The following MVB12B variants were observed in gnomAD, a reference collection of about 807,000 sequenced individuals.
MVB12B encodes multivesicular body subunit 12B, also known as ESCRT-I complex subunit MVB12B.
A neutral mutation model predicts 41.6 loss-of-function variants in MVB12B; 16 were observed. The observed-to-expected ratio is 0.38, with a 90% CI of 0.26 to 0.58. MVB12B has a LOEUF of 0.58. Among genes scored for constraint, MVB12B ranks in the 20% least tolerant of loss-of-function variants. The probability of loss-of-function intolerance (pLI) is 0.62; values close to 1 mark genes in which losing one functional copy is unlikely to be tolerated. For synonymous variants in MVB12B, 133 were observed against 139.7 expected (o/e 0.95, Z 0.34); for missense variants, 274 against 380.2 (o/e 0.72, Z 2.32).
intron 7 of MVB12B, among the ~76,000 whole-genome samples, chr9:126,442,356 G>C (rs1272353272): frequency 1.3e-5 from 2 of 152,142 alleles, no homozygotes; most frequent in East Asian, 3.8e-4. Context: ...ATGTACTCAT[G>C]GTGGGGTGGA....
intron 8 of MVB12B, among the ~76,000 whole-genome samples, 163 bp downstream of exon 8, chr9:126,481,587 C>T (rs757468881): frequency 6.6e-6 from 1 of 152,202 alleles, no homozygotes; most frequent in Non-Finnish European, 1.5e-5. Flanking sequence ...GGAAGCTGAA[C>T]CCTGCAACCC....
At chr9:126,470,027 C>T (rs1307436495) in intron 7 of MVB12B, among the ~76,000 whole-genome samples, 1 of 152,186 alleles carries the variant, frequency 6.6e-6, no homozygotes, top group Non-Finnish European at 1.5e-5. Flanking sequence ...ACATAAGGCC[C>T]TAGGTACAAA....
At chr9:126,439,196 A>G (rs1832570982) in intron 7 of MVB12B, among the ~76,000 whole-genome samples, 1 of 152,102 alleles carries the variant, frequency 6.6e-6, no homozygotes. Flanking sequence ...CTCTGGAGAA[A>G]CAAAGACAAG....
intron 7 of MVB12B, among the ~76,000 whole-genome samples, chr9:126,439,317 G>C (rs1253483850): frequency 4.6e-5 from 7 of 152,054 alleles, no homozygotes; most frequent in Non-Finnish European, 7.4e-5. Flanking sequence ...GCTGGGGGTG[G>C]GGGCGCTGGG....
intron 7 of MVB12B, among the ~76,000 whole-genome samples, chr9:126,455,006 C>T (rs1318432888): frequency 2.0e-5 from 3 of 151,992 alleles, no homozygotes; most frequent in Non-Finnish European, 4.4e-5. Flanking sequence ...ACCATGATGG[C>T]GATTCCAGGA....
At chr9:126,443,630 C>T (rs993358439) in intron 7 of MVB12B, among the ~76,000 whole-genome samples, 1 of 152,156 alleles carries the variant, frequency 6.6e-6, no homozygotes, top group African/African-American at 2.4e-5. Flanking sequence ...CAGTGTATGT[C>T]CTTTTAACAC....
At chr9:126,444,376 ATT>A (rs572602097) in intron 7 of MVB12B, among the ~76,000 whole-genome samples, 1 of 147,742 alleles carries the variant, frequency 6.8e-6, no homozygotes, top group African/African-American at 2.5e-5. Context: ...CTAACTGGTA[ATT>A]TTTTTTTTTT....
intron 2 of MVB12B, among the ~76,000 whole-genome samples, chr9:126,366,172 A>G (rs1473340446): frequency 6.6e-6 from 1 of 151,756 alleles, no homozygotes; most frequent in African/African-American, 2.4e-5. Flanking sequence ...CAGCTCCTCC[A>G]GCCACCATCT....
At chr9:126,497,171 G>A (rs1564352608) in intron 9 of MVB12B, among the ~76,000 whole-genome samples, 1 of 152,110 alleles carries the variant, frequency 6.6e-6, no homozygotes, top group Non-Finnish European at 1.5e-5. Context: ...CAGGGAGCAG[G>A]GGCTGAACTG....
chr9:126,386,909 C>T lies in MVB12B; in HGVS notation c.409+251C>T, dbSNP rs142784082. Among the ~76,000 whole-genome samples, 142 of 152,098 alleles carry T rather than the reference C, an allele frequency of 9.3e-4. 2 individuals are homozygous for T. The South Asian group carries it at 0.021, about 23-fold the overall frequency. ...TTTAGAATGGTGCTCCCTGCTGAATCGGCTCACTGGGGAATGGAATGGTGA... is the reference window on the plus strand; with the variant it reads ...TTTAGAATGGTGCTCCCTGCTGAATTGGCTCACTGGGGAATGGAATGGTGA... On this transcript the variant is annotated intron_variant, in intron 4 of 9. Transcript: ENST00000361171. This position sits in a 1 kb window ranked among gnomAD's most constrained non-coding sequence, Gnocchi z 4.3.
At chr9:126,412,956 A>G (rs1427199311) in intron 6 of MVB12B, among the ~76,000 whole-genome samples, 1 of 152,190 alleles carries the variant, frequency 6.6e-6, no homozygotes, top group East Asian at 1.9e-4. Context: ...CTACTTTAGT[A>G]TTATATGAAA....
At chr9:126,489,124 G>A (rs1833680425) in intron 9 of MVB12B, among the ~76,000 whole-genome samples, 1 of 152,214 alleles carries the variant, frequency 6.6e-6, no homozygotes, top group Non-Finnish European at 1.5e-5. Context: ...CCTGGGCCCG[G>A]ACAGCCAGGC....
chr9:126,426,679 C>G (rs571511252), intron 7 of MVB12B, among the ~76,000 whole-genome samples: 3 of 151,904 alleles, frequency 2.0e-5, no homozygotes, highest in Non-Finnish European at 4.4e-5. Flanking sequence ...AAAATACATA[C>G]GGCCAAATGA....
chr9:126,330,075 G>C (rs1418874877), intron 1 of MVB12B, among the ~76,000 whole-genome samples: 1 of 152,156 alleles, frequency 6.6e-6, no homozygotes, highest in Non-Finnish European at 1.5e-5. Flanking sequence ...TGCAGAGTGT[G>C]CTTGACATTA....
At chr9:126,355,113 C>T (rs1422962875) in intron 2 of MVB12B, among the ~76,000 whole-genome samples, 2 of 152,176 alleles carry the variant, frequency 1.3e-5, no homozygotes, top group African/African-American at 2.4e-5. Flanking sequence ...CTGATTAGAA[C>T]GCTCGTTTCC....
rs751338912 is a variant in MVB12B, at chr9:126,503,269, C to T, written c.*6C>T. The T allele has an allele frequency of 1.7e-5, 27 of 1,549,676 alleles. No individual in the cohort carries two copies. The South Asian group carries it at 3.0e-4, about 17-fold the overall frequency. ...AGCAGATCCCGCAGTCCTGAGGAGCCAGCGGCCACCTGCGGGGAGACCACC... is the reference window on the plus strand; with the variant it reads ...AGCAGATCCCGCAGTCCTGAGGAGCTAGCGGCCACCTGCGGGGAGACCACC... On this transcript the variant is annotated 3_prime_UTR_variant, in exon 10 of 10. Transcript: ENST00000361171.
intron 6 of MVB12B, among the ~76,000 whole-genome samples, chr9:126,410,187 G>A (rs974757681): frequency 6.8e-5 from 10 of 147,428 alleles, no homozygotes; most frequent in Middle Eastern, 3.3e-3. Flanking sequence ...GCATGCACGC[G>A]CATGCATGCA....
chr9:126,426,503 G>A (rs1387867899), intron 7 of MVB12B, among the ~76,000 whole-genome samples: 1 of 151,954 alleles, frequency 6.6e-6, no homozygotes, highest in Non-Finnish European at 1.5e-5. Context: ...CTTAGTGGCT[G>A]TTACTTTTCT....
At chr9:126,434,819 G>A (rs992826414) in intron 7 of MVB12B, among the ~76,000 whole-genome samples, 1 of 152,160 alleles carries the variant, frequency 6.6e-6, no homozygotes, top group Non-Finnish European at 1.5e-5. Flanking sequence ...CTTGGTTTCC[G>A]AGTTCTAAGA....
Sources: allele counts gnomAD v4.1 joint callset (sites outside exome capture counted in the v4.1 genomes callset), GRCh38; gene constraint gnomAD v4.1.1; non-coding constraint Gnocchi (gnomAD v3.1); transcripts MANE v1.5; gene names NCBI Gene and HGNC (gene_info 2026-07-23, HGNC 2026-07-21).